Variants in CCDC178 observed in about 807,000 individuals in gnomAD.
CCDC178 encodes coiled-coil domain containing 178, also known as coiled-coil domain-containing protein 178.
Under a neutral mutation model 117.4 loss-of-function variants are expected in CCDC178, and 126 were observed. That is an observed-to-expected ratio of 1.07 (90% CI 0.93 to 1.24). The LOEUF is 1.24. Ranked by LOEUF, CCDC178 falls within the 50% of genes most tolerant of loss-of-function variation. The probability of loss-of-function intolerance (pLI) is 0.00; values close to 1 mark genes in which losing one functional copy is unlikely to be tolerated. For synonymous variants in CCDC178, 283 were observed against 313.4 expected, an observed-to-expected ratio of 0.90 and a Z score of 1.02; for missense variants, 1,030 against 986.9, an observed-to-expected ratio of 1.04 and a Z score of -0.59.
intron 20 of CCDC178, among the ~76,000 whole-genome samples, chr18:33,100,793 C>T (rs189288063): frequency 5.3e-5 from 8 of 152,026 alleles, no homozygotes; most frequent in Non-Finnish European, 7.4e-5. Context: ...TTAAAGAAAA[C>T]CTTACACAAA....
intron 21 of CCDC178, among the ~76,000 whole-genome samples, chr18:33,060,875 A>C (rs1182097607): frequency 1.3e-5 from 2 of 152,164 alleles, no homozygotes; most frequent in African/African-American, 4.8e-5. Context: ...AAAAGCAAGA[A>C]AGAACAAAAT....
At position 33,184,128 on chromosome 18, in the gene CCDC178, G is replaced by A. The variant is rs547965200; in HGVS notation, c.2238+27768C>T. ...AAGGAAAAAGAGGATGTTTAGATTTGTTTTTTAGTGTATATAATATTTTGT... is the reference window on the plus strand; with the variant it reads ...AAGGAAAAAGAGGATGTTTAGATTTATTTTTTAGTGTATATAATATTTTGT... On this transcript the variant is annotated intron_variant, in intron 20 of 22. Transcript: ENST00000383096. Among the ~76,000 whole-genome samples, 5 of 152,100 alleles carry A rather than the reference G, an allele frequency of 3.3e-5. No individual in the cohort carries two copies. In the South Asian group the frequency reaches 1.0e-3, roughly 32 times the overall value.
At chr18:33,258,177 TAA>T (rs1482891840) in intron 14 of CCDC178, among the ~76,000 whole-genome samples, 40 of 152,150 alleles carry the variant, frequency 2.6e-4, no homozygotes, top group Admixed American at 2.6e-3. Context: ...CTCTAAAATA[TAA>T]GATTATGAAA....
rs2064354990 is a variant in CCDC178 at position 33,439,923 on chromosome 18, G to A, written c.-23+39C>T. 2.0e-5 allele frequency: 3 copies of A among 152,166 alleles called. No individual in the cohort carries two copies. The South Asian group carries it at 6.2e-4, about 32-fold the overall frequency. The allele number at this position is 152,166 out of a possible 1,614,324, so 9.4% of individuals were successfully genotyped here. ...TTGAAGATTGCTGGATCTGACTTTT[G>A]TCAAATCACAAATCAGCTCTGAATA... On this transcript the variant is annotated intron_variant, in intron 2 of 22. Coordinates refer to ENST00000383096, the MANE Select transcript of CCDC178 (RefSeq NM_001105528.4).
At position 33,217,437 on chromosome 18, in the gene CCDC178, G is replaced by A. The variant is rs188899519; in HGVS notation, c.1933-1742C>T. ...TATGCAAAGTAGTATTTAATTCACT[G>A]TGTATATAATTATACCCCTTTTAAT... On this transcript the variant is annotated intron_variant, in intron 18 of 22. Coordinates refer to ENST00000383096, the MANE Select transcript of CCDC178 (RefSeq NM_001105528.4). 2.0e-5 allele frequency among the ~76,000 whole-genome samples: 3 copies of A among 151,770 alleles called. No homozygotes were observed. In the East Asian group the frequency reaches 5.8e-4, roughly 29 times the overall value.
chr18:33,179,073 AAAAAAAT>A (rs1419555896), intron 20 of CCDC178, among the ~76,000 whole-genome samples: 4 of 89,762 alleles, frequency 4.5e-5, no homozygotes, highest in African/African-American at 2.5e-4. Context: ...AAAAAAAAAA[AAAAAAAT>A]ATATATATAT....
At chr18:33,308,976 T>A (rs2062297648) in intron 11 of CCDC178, among the ~76,000 whole-genome samples, 1 of 152,208 alleles carries the variant, frequency 6.6e-6, no homozygotes, top group Non-Finnish European at 1.5e-5. Flanking sequence ...TGAGAATGGA[T>A]TAATACAGTA....
At chr18:33,345,970 G>A (rs2062886849) in intron 9 of CCDC178, among the ~76,000 whole-genome samples, 1 of 152,080 alleles carries the variant, frequency 6.6e-6, no homozygotes, top group Non-Finnish European at 1.5e-5. Flanking sequence ...TGAGACTACA[G>A]GCGAGCACCA....
intron 20 of CCDC178, among the ~76,000 whole-genome samples, chr18:33,125,420 A>C (rs1445922224): frequency 6.6e-6 from 1 of 152,190 alleles, no homozygotes; most frequent in Non-Finnish European, 1.5e-5. Flanking sequence ...AGAGTAGTTA[A>C]AAATAATAAG....
At chr18:32,946,100 C>T (rs117818457) in intron 22 of CCDC178, among the ~76,000 whole-genome samples, 1,654 of 152,234 alleles carry the variant, frequency 0.011, 22 homozygotes, top group Middle Eastern at 0.031. Flanking sequence ...TGTTTGGGTA[C>T]AGCCTTGTTC....
At chr18:33,122,640 C>T (rs8096476) in intron 20 of CCDC178, among the ~76,000 whole-genome samples, 147 of 152,184 alleles carry the variant, frequency 9.7e-4, no homozygotes, top group African/African-American at 3.4e-3. Context: ...CAGCCATGGA[C>T]AGATGATAAA....
intron 22 of CCDC178, among the ~76,000 whole-genome samples, chr18:32,944,017 T>C (rs1539818): frequency 0.95 from 145,044 of 152,246 alleles, 69,345 homozygotes; most frequent in Non-Finnish European, 1. Context: ...TGAGGCATTG[T>C]TCCCGGCACA....
intron 5 of CCDC178, among the ~76,000 whole-genome samples, chr18:33,384,821 AC>A (rs1201207402): frequency 6.6e-5 from 10 of 152,182 alleles, no homozygotes; most frequent in Non-Finnish European, 1.2e-4. Flanking sequence ...TGCAAAATTA[AC>A]CAGCCAGCGC....
intron 11 of CCDC178, among the ~76,000 whole-genome samples, chr18:33,315,122 C>G (rs1599147799): frequency 6.6e-6 from 1 of 152,116 alleles, no homozygotes; most frequent in East Asian, 1.9e-4. Context: ...TGAGTTTACC[C>G]TCTGCAACCT....
intron 21 of CCDC178, among the ~76,000 whole-genome samples, chr18:33,041,838 T>C (rs1189761390): frequency 1.3e-5 from 2 of 151,746 alleles, no homozygotes; most frequent in African/African-American, 4.8e-5. Flanking sequence ...AGACTATATG[T>C]GAAAAACCCA....
chr18:33,177,047 C>G (rs2058671804), intron 20 of CCDC178, among the ~76,000 whole-genome samples: 1 of 152,132 alleles, frequency 6.6e-6, no homozygotes, highest in African/African-American at 2.4e-5. Context: ...GAACTCATGT[C>G]CTTTGCAGGT....
intron 5 of CCDC178, among the ~76,000 whole-genome samples, chr18:33,375,362 T>A (rs1455220976): frequency 6.6e-6 from 1 of 152,168 alleles, no homozygotes; most frequent in Non-Finnish European, 1.5e-5. Context: ...TCATCTCCTT[T>A]AAGTGCTTAA....
intron 20 of CCDC178, among the ~76,000 whole-genome samples, chr18:33,164,552 C>A (rs2058505449): frequency 6.7e-6 from 1 of 149,578 alleles, no homozygotes; most frequent in Non-Finnish European, 1.5e-5. Context: ...TTATAAATAG[C>A]AATAATAAAT....
At chr18:33,065,848 C>G (rs1271196303) in intron 21 of CCDC178, among the ~76,000 whole-genome samples, 2 of 149,976 alleles carry the variant, frequency 1.3e-5, no homozygotes, top group South Asian at 2.1e-4. Context: ...TTATACCTAG[C>G]AAAGTTCTTT....
Sources: allele counts gnomAD v4.1 joint callset (sites outside exome capture counted in the v4.1 genomes callset), GRCh38; gene constraint gnomAD v4.1.1; transcripts MANE v1.5; gene names NCBI Gene and HGNC (gene_info 2026-07-23, HGNC 2026-07-21).